Variants in ARMCX4 observed in about 807,000 individuals in gnomAD.
ARMCX4 encodes the protein armadillo repeat containing X-linked 4.
A neutral mutation model predicts 34.7 loss-of-function variants in ARMCX4; 3 were observed. The observed-to-expected ratio is 0.09, with a 90% CI of 0.04 to 0.22. ARMCX4 has a LOEUF of 0.22. Ranked by LOEUF, ARMCX4 falls within the 10% of genes least tolerant of loss-of-function variation. ARMCX4 has a pLI of 1.00. For missense variants in ARMCX4, 1,448 were observed against 1,720.8 expected (o/e 0.84, Z 2.81); for synonymous variants, 513 against 632.8 (o/e 0.81, Z 2.84).
chrX:101,435,305 T>G (rs1264869456), intron 2 of ARMCX4, among the ~76,000 whole-genome samples: 1 of 111,674 alleles, frequency 9.0e-6, no homozygotes, highest in African/African-American at 3.3e-5. Context: ...ACCTGTTGTT[T>G]CCTGACTTTT....
chrX:101,432,637 G>GA lies in ARMCX4; in HGVS notation n.165-11415_165-11414insA, dbSNP rs782537919. Among the ~76,000 whole-genome samples the GA allele has an allele frequency of 9.3e-5, 10 of 108,054 alleles. No homozygotes were observed. The East Asian group carries it at 2.0e-3, about 22-fold the overall frequency. The allele number at this position is 108,054 out of a possible 115,157, so 93.8% of individuals were successfully genotyped here. On this transcript the variant is annotated intron_variant and non_coding_transcript_variant, in intron 2 of 3. Coordinates refer to the ARMCX4 transcript ENST00000430461. ...GATCCTGCCCCTGCACTCCAGCCTG[G>GA]CAACAGAGCGAGATTCTGTCTCAAA...
intron 2 of ARMCX4, among the ~76,000 whole-genome samples, chrX:101,433,085 CAT>C (rs1389765511): frequency 1.8e-5 from 2 of 108,479 alleles, no homozygotes; most frequent in African/African-American, 3.3e-5. Context: ...CATATGTATA[CAT>C]ATATGTGTAT....
At chrX:101,529,714 C>A (rs1405332115) in intron 11 of ARMCX4, among the ~76,000 whole-genome samples, 1 of 112,299 alleles carries the variant, frequency 8.9e-6, no homozygotes, top group Non-Finnish European at 1.9e-5. Context: ...ATTTATGCAG[C>A]CAACAGACAC....
chrX:101,433,047 T>TACACGTGTATATATACAC (rs1569315075), intron 2 of ARMCX4, among the ~76,000 whole-genome samples: 4 of 108,754 alleles, frequency 3.7e-5, no homozygotes, highest in Admixed American at 9.7e-5. Flanking sequence ...TATACACACA[T>TACACGTGTATATATACAC]ATGTATACAT....
rs1386579770 is a variant in ARMCX4 at position 101,494,824 on chromosome X, G to T, written c.6235G>T (p.Val2079Phe). Residue 2079 changes from valine (V) to phenylalanine (F), a missense_variant, in exon 6 of 6, where the codon GTT (valine) becomes TTT (phenylalanine). This residue lies in a region of ARMCX4 where 105 missense variants were observed against 180.2 expected (regional missense o/e 0.58). Transcript: ENST00000423738. The part of the protein sequence containing the change: ...SADYSYSHEV[V>F]RNVGGISVIE... ...TGATTATTCTTATTCTCATGAAGTT[G>T]TTCGTAATGTAGGTGGAATTTCAGT... 4 of 1,153,953 alleles carry T rather than the reference G, an allele frequency of 3.5e-6. No individual in the cohort carries two copies. In the South Asian group the frequency reaches 7.6e-5, roughly 22 times the overall value.
chrX:101,458,766 C>T (rs782779438), intron 4 of ARMCX4, among the ~76,000 whole-genome samples: 3 of 111,866 alleles, frequency 2.7e-5, no homozygotes, highest in Non-Finnish European at 5.6e-5. Context: ...GGATTACAGG[C>T]GTAAGCCACT....
At position 101,491,184 on chromosome X, in the gene ARMCX4, G is replaced by A; in HGVS notation, c.2595G>A (p.Val865=). ...AGGCAGGGGCCAGAGAAGATACAGT[G>A]GGCTCTACCCAGCCTCAGGTTTTGG... ...VSKAGAREDT[V]GSTQPQVLAS... The change falls in exon 6 of 6, where the codon GTG becomes GTA. Residue 865 remains valine, a synonymous_variant. Transcript: ENST00000423738. The A allele has an allele frequency of 1.7e-6, 2 of 1,155,221 alleles. No homozygotes were observed. Among genetic ancestry groups the A allele is most frequent in the South Asian group, 1.9e-5 (1 of 52,692 alleles).
rs782493445 is a variant in ARMCX4 at position 101,494,798 on chromosome X, C to T, written c.6209C>T (p.Ala2070Val). The change falls in exon 6 of 6, where the codon GCT becomes GTT. Residue 2070 changes from alanine (A) to valine (V), a missense_variant. Ala to Val is a moderately conservative substitution (Grantham distance 64). Coordinates refer to ENST00000423738, the MANE Select transcript of ARMCX4 (RefSeq NM_001256155.3). Reference sequence around the variant, plus strand: ...GCCAATAATGCTTTATATAACAGTGCTGATTATTCTTATTCTCATGAAGTT... The same window carrying T: ...GCCAATAATGCTTTATATAACAGTGTTGATTATTCTTATTCTCATGAAGTT... ...EIANNALYNS[A>V]DYSYSHEVVR... 2 of 1,153,525 alleles carry T rather than the reference C, an allele frequency of 1.7e-6. No homozygotes were observed. The highest frequency in any genetic ancestry group is 2.3e-6 in the Non-Finnish European group (2 of 870,721).
downstream of ARMCX4, among the ~76,000 whole-genome samples, chrX:101,447,026 G>A (rs2147576295): frequency 8.9e-6 from 1 of 111,740 alleles, no homozygotes; most frequent in Non-Finnish European, 1.9e-5. Flanking sequence ...TTCCAAGACA[G>A]TTCACAGAGC....
At chrX:101,476,710 A>AACT (rs1933204976) in intron 4 of ARMCX4, among the ~76,000 whole-genome samples, 1 of 111,760 alleles carries the variant, frequency 8.9e-6, no homozygotes, top group Non-Finnish European at 1.9e-5. Context: ...TAGAGTTATT[A>AACT]AAGAGGGTCA....
chrX:101,431,827 G>A (rs1326816364), intron 2 of ARMCX4, among the ~76,000 whole-genome samples: 9 of 112,617 alleles, frequency 8.0e-5, no homozygotes, highest in Admixed American at 6.6e-4. Flanking sequence ...ATAGGCGTGA[G>A]CCACCACGCC....
chrX:101,437,609 T>C (rs1930891376), intron 2 of ARMCX4, among the ~76,000 whole-genome samples: 2 of 111,554 alleles, frequency 1.8e-5, no homozygotes, highest in Non-Finnish European at 3.8e-5. Context: ...CCTGGATTCA[T>C]TGATTTTTTT....
At chrX:101,427,417 G>A (rs1466931203) in intron 2 of ARMCX4, among the ~76,000 whole-genome samples, 3 of 109,244 alleles carry the variant, frequency 2.7e-5, no homozygotes, top group Middle Eastern at 4.7e-3. Flanking sequence ...TTGCTCTGTC[G>A]CCCAGGCTGG....
chrX:101,428,979 C>A (rs1929809001), intron 2 of ARMCX4, among the ~76,000 whole-genome samples: 1 of 106,693 alleles, frequency 9.4e-6, no homozygotes. Context: ...TCAGGCAATC[C>A]TCCTGTCTCA....
chrX:101,458,143 A>G (rs1447840519), intron 4 of ARMCX4, among the ~76,000 whole-genome samples: 5 of 107,037 alleles, frequency 4.7e-5, no homozygotes, highest in Admixed American at 3.0e-4. Flanking sequence ...GCCAATAAAG[A>G]TTTTTTTTTT....
chrX:101,463,841 C>T (rs1470909482), intron 4 of ARMCX4, among the ~76,000 whole-genome samples: 1 of 110,490 alleles, frequency 9.1e-6, no homozygotes, highest in Non-Finnish European at 1.9e-5. Context: ...CCTCCGTCTC[C>T]CAGGCTCAAG....
chrX:101,522,561 G>C (rs1374088725), intron 11 of ARMCX4, among the ~76,000 whole-genome samples: 2 of 111,583 alleles, frequency 1.8e-5, no homozygotes, highest in Non-Finnish European at 3.8e-5. Flanking sequence ...TATCTTTTTT[G>C]TTCTATTCTT....
Position 101,514,668 on chromosome X carries a change from A to G in ARMCX4, c.*1780+3613A>G, listed in dbSNP as rs781976029. On this transcript the variant is annotated intron_variant and NMD_transcript_variant, in intron 11 of 12. Transcript: ENST00000354842. ...AACCAGGGAAGGCAAATCCATATCC[A>G]GAGTGTCTGTTCCAATAAGAAAAAA... Among the ~76,000 whole-genome samples the G allele has an allele frequency of 2.7e-5, 3 of 111,972 alleles. No homozygotes were observed. The East Asian group carries it at 8.5e-4, about 32-fold the overall frequency.
intron 4 of ARMCX4, among the ~76,000 whole-genome samples, chrX:101,471,382 C>T (rs1289826562): frequency 1.8e-5 from 2 of 111,931 alleles, no homozygotes; most frequent in African/African-American, 6.5e-5. Context: ...GGCATCTTTG[C>T]CTTCCTCTAG....
Sources: allele counts gnomAD v4.1 joint callset (sites outside exome capture counted in the v4.1 genomes callset), GRCh38; gene constraint gnomAD v4.1.1; regional missense constraint gnomAD v4.1.1; transcripts MANE v1.5; gene names NCBI Gene and HGNC (gene_info 2026-07-23, HGNC 2026-07-21).